The following HDAC9 variants were observed in gnomAD, a reference collection of about 807,000 sequenced individuals.
HDAC9 encodes the protein histone deacetylase 9, also known as MEF-2 interacting transcription repressor (MITR) protein.
HDAC9 carries 41 observed loss-of-function variants against 139.4 expected under a neutral mutation model. The ratio of observed to expected loss-of-function variants is 0.29; its 90% CI spans 0.23 to 0.38. HDAC9 has a LOEUF of 0.38. Ranked by LOEUF, HDAC9 falls within the 10% of genes least tolerant of loss-of-function variation. The pLI, the probability that HDAC9 is intolerant of heterozygous loss-of-function variation, is 1.00. For missense variants in HDAC9, 1,147 were observed against 1,297.0 expected (o/e 0.88, Z 1.78); for synonymous variants, 517 against 476.2 (o/e 1.09, Z -1.12).
intron 25 of HDAC9, among the ~76,000 whole-genome samples, chr7:18,983,124 C>T (rs1201578075): frequency 2.0e-5 from 3 of 152,138 alleles, no homozygotes; most frequent in Non-Finnish European, 2.9e-5. Flanking sequence ...TCCTTCCAGC[C>T]CCTATCAACC....
At chr7:18,560,292 A>C (rs1820183305) in intron 2 of HDAC9, among the ~76,000 whole-genome samples, 1 of 152,224 alleles carries the variant, frequency 6.6e-6, no homozygotes, top group African/African-American at 2.4e-5. Context: ...AAAGACCTCT[A>C]GGAGTTGTGA....
intron 1 of HDAC9, among the ~76,000 whole-genome samples, chr7:18,332,367 G>A (rs1421969663): frequency 1.3e-4 from 6 of 46,012 alleles, no homozygotes; most frequent in Admixed American, 7.7e-4. Context: ...GCACATGTGT[G>A]TGTGTGTGTG....
At chr7:18,556,131 C>T (rs1440424679) in intron 2 of HDAC9, among the ~76,000 whole-genome samples, 1 of 151,822 alleles carries the variant, frequency 6.6e-6, no homozygotes, top group African/African-American at 2.4e-5. Flanking sequence ...GGAGGCAGTT[C>T]AAAAATGTTA....
At chr7:18,991,474 A>G (rs200843537) in intron 25 of HDAC9, among the ~76,000 whole-genome samples, 2 of 152,088 alleles carry the variant, frequency 1.3e-5, no homozygotes, top group Admixed American at 1.3e-4. Context: ...TGTCTCTACT[A>G]AAAATACAAA....
chr7:18,407,736 C>T (rs756396391), intron 1 of HDAC9, among the ~76,000 whole-genome samples: 4 of 152,138 alleles, frequency 2.6e-5, no homozygotes, highest in African/African-American at 9.7e-5. Flanking sequence ...AACTGTTTTT[C>T]ATATGTCAAT....
At chr7:18,146,731 T>G (rs543027652) in intron 1 of HDAC9, among the ~76,000 whole-genome samples, 1 of 152,316 alleles carries the variant, frequency 6.6e-6, no homozygotes, top group East Asian at 1.9e-4. Context: ...TTCCAGTATT[T>G]TAAGTTATTA....
chr7:18,605,993 T>C (rs1054593412), intron 6 of HDAC9, among the ~76,000 whole-genome samples: 2 of 152,174 alleles, frequency 1.3e-5, no homozygotes, highest in African/African-American at 2.4e-5. Flanking sequence ...CCTGGAGTTT[T>C]TAACTCTCAA....
intron 2 of HDAC9, among the ~76,000 whole-genome samples, chr7:18,283,972 C>G (rs1348275900): frequency 6.6e-6 from 1 of 152,116 alleles, no homozygotes; most frequent in Non-Finnish European, 1.5e-5. Flanking sequence ...GAAAGGAGAT[C>G]CTCTGGAAGT....
chr7:18,804,867 T>C (rs1793579579), intron 17 of HDAC9, among the ~76,000 whole-genome samples: 1 of 152,194 alleles, frequency 6.6e-6, no homozygotes. Context: ...TAATCTCTGC[T>C]CACTGCAACC....
chr7:18,198,166 C>G (rs1293862218), intron 2 of HDAC9, among the ~76,000 whole-genome samples: 1 of 151,852 alleles, frequency 6.6e-6, no homozygotes, highest in African/African-American at 2.4e-5. Context: ...TTAAATAAAT[C>G]AAAACACATA....
intron 1 of HDAC9, among the ~76,000 whole-genome samples, chr7:18,318,812 A>G (rs1485605357): frequency 6.6e-6 from 1 of 152,194 alleles, no homozygotes; most frequent in Non-Finnish European, 1.5e-5. Context: ...AAGGGGGGAT[A>G]ATACTCCCTA....
chr7:18,438,118 TAAA>T (rs1341721301), intron 1 of HDAC9, among the ~76,000 whole-genome samples: 1 of 148,712 alleles, frequency 6.7e-6, no homozygotes, highest in Non-Finnish European at 1.5e-5. Flanking sequence ...ATTTATATAT[TAAA>T]AATAAATAGT....
At chr7:18,607,525 T>C (rs1455812660) in intron 6 of HDAC9, among the ~76,000 whole-genome samples, 1 of 152,228 alleles carries the variant, frequency 6.6e-6, no homozygotes, top group Admixed American at 6.5e-5. Flanking sequence ...GACATGGGTC[T>C]CAGTACATAT....
At chr7:18,529,991 T>C (rs940552368) in intron 2 of HDAC9, among the ~76,000 whole-genome samples, 1 of 152,046 alleles carries the variant, frequency 6.6e-6, no homozygotes, top group Non-Finnish European at 1.5e-5. Context: ...TAATTACAGG[T>C]CGGGCACGGT....
chr7:18,819,465 T>C (rs1336652081), intron 17 of HDAC9, among the ~76,000 whole-genome samples: 1 of 152,214 alleles, frequency 6.6e-6, no homozygotes, highest in African/African-American at 2.4e-5. Context: ...TTTCATCAGT[T>C]ATGAAAATAG....
intron 2 of HDAC9, among the ~76,000 whole-genome samples, chr7:18,557,896 A>G (rs1334466566): frequency 2.6e-5 from 4 of 151,958 alleles, no homozygotes; most frequent in African/African-American, 9.7e-5. Context: ...AAGTGAGCCT[A>G]CTACCTGCTG....
chr7:18,118,518 A>G (rs1784162348), intron 1 of HDAC9, among the ~76,000 whole-genome samples: 1 of 152,052 alleles, frequency 6.6e-6, no homozygotes, highest in Non-Finnish European at 1.5e-5. Context: ...TAACTCCCTT[A>G]TTTTCTAGCT....
At chr7:18,710,721 A>C (rs1784284448) in intron 12 of HDAC9, among the ~76,000 whole-genome samples, 1 of 152,208 alleles carries the variant, frequency 6.6e-6, no homozygotes, top group Non-Finnish European at 1.5e-5. Context: ...TTGATGAGCT[A>C]AGCAAAGTGA....
chr7:18,277,981 A>G (rs1450939591), intron 2 of HDAC9, among the ~76,000 whole-genome samples: 1 of 152,144 alleles, frequency 6.6e-6, no homozygotes, highest in Non-Finnish European at 1.5e-5. Flanking sequence ...TGTCTATGTC[A>G]TTGCACTTGC....
Sources: allele counts gnomAD v4.1 joint callset (sites outside exome capture counted in the v4.1 genomes callset), GRCh38; gene constraint gnomAD v4.1.1; transcripts MANE v1.5; gene names NCBI Gene and HGNC (gene_info 2026-07-23, HGNC 2026-07-21).